Variants in GPHN observed in about 807,000 individuals in gnomAD.
GPHN encodes gephyrin.
Under a neutral mutation model 95.5 loss-of-function variants are expected in GPHN, and 17 were observed. The observed-to-expected ratio is 0.18, with a 90% confidence interval of 0.12 to 0.27. The LOEUF (loss-of-function observed/expected upper bound fraction) is 0.27, where lower values mean the gene tolerates loss of function less well. Among genes scored for constraint, GPHN ranks in the 10% least tolerant of loss-of-function variants. GPHN has a pLI of 1.00. For synonymous variants in GPHN, 320 were observed against 322.5 expected (o/e 0.99, Z 0.08); for missense variants, 660 against 978.1 (o/e 0.67, Z 4.34).
At chr14:67,006,838 A>C (rs950429020) in intron 9 of GPHN, among the ~76,000 whole-genome samples, 1 of 152,174 alleles carries the variant, frequency 6.6e-6, no homozygotes, top group Non-Finnish European at 1.5e-5. Context: ...TGTTGAGTCC[A>C]TCTTCATTTG....
At chr14:67,076,784 T>C (rs1042210351) in intron 11 of GPHN, among the ~76,000 whole-genome samples, 10 of 152,198 alleles carry the variant, frequency 6.6e-5, no homozygotes, top group African/African-American at 2.2e-4. Flanking sequence ...CCACATTTTA[T>C]ATTTGAAAGG....
the GPHN span, chr14:67,684,871 C>A: frequency 3.7e-6 from 2 of 537,150 alleles, no homozygotes; most frequent in Non-Finnish European, 3.2e-6. Context: ...AGTCAAATTC[C>A]CCTACTAAAA....
chr14:67,170,202 G>A (rs2082519301), intron 21 of GPHN, among the ~76,000 whole-genome samples: 1 of 152,132 alleles, frequency 6.6e-6, no homozygotes, highest in Non-Finnish European at 1.5e-5. Context: ...TAAGAACTTT[G>A]TGGACTAGGA....
intron 1 of GPHN, among the ~76,000 whole-genome samples, chr14:66,554,042 T>C (rs2059920719): frequency 6.6e-6 from 1 of 152,126 alleles, no homozygotes; most frequent in Non-Finnish European, 1.5e-5. Flanking sequence ...TTTCATCTTA[T>C]TATGAAATGA....
chr14:67,387,207 TCA>T, the GPHN span: 31 of 874,604 alleles, frequency 3.5e-5, 1 homozygote, highest in African/African-American at 5.1e-4. Flanking sequence ...TTGGCAGCAT[TCA>T]CTCTCCAAAG....
At chr14:67,579,452 G>A in the GPHN span, 9 of 753,442 alleles carry the variant, frequency 1.2e-5, no homozygotes, top group Non-Finnish European at 1.5e-5. Context: ...CATGAACAGG[G>A]AAGCTGAGAT....
At chr14:66,923,928 A>G (rs553307562) in intron 7 of GPHN, among the ~76,000 whole-genome samples, 3 of 152,094 alleles carry the variant, frequency 2.0e-5, no homozygotes, top group East Asian at 3.9e-4. Context: ...TATGAAACCA[A>G]TTGGTGAAAC....
chr14:66,787,858 T>TTTTATATATATATATATATATATATATA (rs553261342), intron 3 of GPHN, among the ~76,000 whole-genome samples: 68 of 150,574 alleles, frequency 4.5e-4, no homozygotes, highest in Non-Finnish European at 8.0e-4. Flanking sequence ...ATAAAAAGTA[T>TTTTATATATATATATATATATATATATA]TATATATATA....
At chr14:67,518,454 A>G in the GPHN span, among the ~76,000 whole-genome samples, 1 of 152,234 alleles carries the variant, frequency 6.6e-6, no homozygotes, top group Non-Finnish European at 1.5e-5. Context: ...ATAGTATAAT[A>G]CACAGGTAAT....
At chr14:66,929,910 A>C (rs1456560032) in intron 8 of GPHN, among the ~76,000 whole-genome samples, 1 of 151,770 alleles carries the variant, frequency 6.6e-6, no homozygotes, top group Non-Finnish European at 1.5e-5. Flanking sequence ...ACGGGGTTTC[A>C]CCGTGTTAGC....
intron 4 of GPHN, among the ~76,000 whole-genome samples, chr14:66,869,544 T>C (rs1158898972): frequency 3.3e-5 from 5 of 152,212 alleles, no homozygotes; most frequent in Non-Finnish European, 7.4e-5. Context: ...AGTATTCTAC[T>C]TCCTACGTGG....
chr14:67,069,803 G>A (rs970852005), intron 11 of GPHN, among the ~76,000 whole-genome samples: 4 of 152,104 alleles, frequency 2.6e-5, no homozygotes, highest in African/African-American at 9.7e-5. Flanking sequence ...ATATATCTCT[G>A]TCTCATTAGA....
intron 2 of GPHN, among the ~76,000 whole-genome samples, chr14:66,742,769 G>C (rs973557080): frequency 8.6e-5 from 13 of 151,834 alleles, no homozygotes; most frequent in African/African-American, 3.1e-4. Context: ...TTTTTGTTTT[G>C]TTTTGTTTTT....
At chr14:67,692,227 C>A in the GPHN span, 1 of 548,262 alleles carries the variant, frequency 1.8e-6, no homozygotes. Context: ...TTACTCACTG[C>A]TATGACGTTT....
chr14:66,963,846 T>C (rs530903852), intron 8 of GPHN, among the ~76,000 whole-genome samples: 57 of 152,160 alleles, frequency 3.7e-4, no homozygotes, highest in Non-Finnish European at 6.5e-4. Flanking sequence ...GGAGCTTCTA[T>C]AGAAATAGCA....
At chr14:66,602,721 T>A (rs2062313743) in intron 1 of GPHN, among the ~76,000 whole-genome samples, 1 of 151,832 alleles carries the variant, frequency 6.6e-6, no homozygotes, top group Non-Finnish European at 1.5e-5. Context: ...AGGTCAAAAG[T>A]ACAAATTTCT....
At chr14:67,055,726 C>T (rs911033454) in intron 10 of GPHN, among the ~76,000 whole-genome samples, 2 of 152,192 alleles carry the variant, frequency 1.3e-5, no homozygotes, top group Non-Finnish European at 2.9e-5. Flanking sequence ...AGTTCTTGGT[C>T]TCGCTGACTT....
At chr14:66,822,441 A>G (rs1321242860) in intron 3 of GPHN, among the ~76,000 whole-genome samples, 1 of 152,208 alleles carries the variant, frequency 6.6e-6, no homozygotes, top group Non-Finnish European at 1.5e-5. Flanking sequence ...AGACCCAAGT[A>G]TTTTTTAAAG....
the GPHN span, among the ~76,000 whole-genome samples, chr14:67,514,373 G>A: frequency 6.6e-6 from 1 of 152,050 alleles, no homozygotes; most frequent in African/African-American, 2.4e-5. Context: ...CCAGGAACCG[G>A]GCTGTAACAC....
Sources: gnomAD v4.1 joint callset for allele counts (sites outside exome capture counted in the v4.1 genomes callset) on GRCh38, gnomAD v4.1.1 for gene constraint, MANE v1.5 for transcripts, NCBI Gene and HGNC (gene_info 2026-07-23, HGNC 2026-07-21) for gene names.